Variants in MYOM2 observed in about 807,000 individuals in gnomAD.
The protein encoded by MYOM2 is myomesin 2.
In MYOM2, 254 loss-of-function variants were observed where a neutral mutation model predicts 187.6. The ratio of observed to expected loss-of-function variants is 1.35; its 90% CI spans 1.22 to 1.50. MYOM2 has a LOEUF of 1.50. Among genes scored for constraint, MYOM2 ranks in the 40% most tolerant of loss-of-function variants. The pLI, the probability that MYOM2 is intolerant of heterozygous loss-of-function variation, is 0.00. For missense variants in MYOM2, 2,796 were observed against 1,924.0 expected (o/e 1.45, Z -8.48); for synonymous variants, 981 against 753.8 (o/e 1.30, Z -4.94).
In MYOM2 at chr8:2,109,481, G is replaced by T. The variant is rs1394436257; in HGVS notation, c.3130G>T (p.Asp1044Tyr). The change falls in exon 25 of 37, where the codon GAT becomes TAT. Residue 1044 changes from aspartate to tyrosine, a missense_variant. Coordinates refer to ENST00000262113, the MANE Select transcript of MYOM2 (RefSeq NM_003970.4). ...FWLQAEHLSP[D>Y]ASYRFIINDR... ...GCTCCAGGCTGAGCACTTATCACCA[G>T]ATGCCAGCTACCGATTTATTATTAA... The T allele has an allele frequency of 1.2e-6, 2 of 1,613,356 alleles. No individual in the cohort carries two copies. Among genetic ancestry groups the T allele is most frequent in the Admixed American group, 1.7e-5 (1 of 59,882 alleles).
At chr8:2,068,733 G>T (rs1290550630) in intron 6 of MYOM2, among the ~76,000 whole-genome samples, 1 of 152,208 alleles carries the variant, frequency 6.6e-6, no homozygotes, top group Admixed American at 6.5e-5. Flanking sequence ...ACGACTCCCT[G>T]TATGGGAACG....
At chr8:2,077,608 C>T (rs999772127) in intron 11 of MYOM2, among the ~76,000 whole-genome samples, 1 of 152,134 alleles carries the variant, frequency 6.6e-6, no homozygotes, top group Non-Finnish European at 1.5e-5. Context: ...AATTAAGCAA[C>T]TACAGCAAGA....
intron 16 of MYOM2, among the ~76,000 whole-genome samples, chr8:2,092,980 G>A (rs1407257118): frequency 3.3e-5 from 5 of 152,168 alleles, no homozygotes; most frequent in African/African-American, 4.8e-5. Context: ...GCAGCCTCGG[G>A]GGATGCTGGT....
chr8:2,052,200 G>T lies in MYOM2; in HGVS notation c.150G>T (p.Gln50His). The T allele has an allele frequency of 6.2e-7, 1 of 1,613,480 alleles. No individual in the cohort carries two copies. Among genetic ancestry groups the T allele is most frequent in the Non-Finnish European group, 8.5e-7 (1 of 1,179,764 alleles). ...CATCTTCCCAGAAGTCCTTGAGTCA[G>T]CGGTCGTCTTCACAGAGAGCCTCCA... ...TQASSQKSLS[Q>H]RSSSQRASSQ... The change falls in exon 3 of 37, where the codon CAG becomes CAT. Residue 50 changes from glutamine to histidine, a missense_variant. Physicochemically the swap from Gln to His is conservative, Grantham distance 24. Transcript: ENST00000262113.
At position 2,092,450 on chromosome 8, in the gene MYOM2, T is replaced by G. The variant is rs747928604; in HGVS notation, c.1933T>G (p.Tyr645Asp). 1 of 1,614,174 alleles carries G rather than the reference T, an allele frequency of 6.2e-7. No individual in the cohort carries two copies. Among genetic ancestry groups the G allele is most frequent in the Admixed American group, 1.7e-5 (1 of 60,026 alleles). The change falls in exon 16 of 37, where the codon TAC becomes GAC. Residue 645 changes from tyrosine to aspartate, a missense_variant. Physicochemically the swap from Tyr to Asp is radical, Grantham distance 160 (BLOSUM62 -3). Coordinates refer to ENST00000262113, the MANE Select transcript of MYOM2 (RefSeq NM_003970.4). ...PKHEEDLLGY[Y>D]VDCCVAGTNL... ...GCATGAGGAGGACCTGCTGGGCTAC[T>G]ACGTGGACTGCTGTGTGGCCGGAAC...
chr8:2,129,389 A>AGG (rs1367731367), intron 32 of MYOM2, among the ~76,000 whole-genome samples, 157 bp downstream of exon 32: 2 of 152,118 alleles, frequency 1.3e-5, no homozygotes, highest in Admixed American at 6.5e-5. Flanking sequence ...AGCTCAGGGA[A>AGG]GGGGGCCCTC....
At chr8:2,134,786 ATCT>A (rs1420295922) in intron 32 of MYOM2, among the ~76,000 whole-genome samples, 1 of 152,044 alleles carries the variant, frequency 6.6e-6, no homozygotes, top group Non-Finnish European at 1.5e-5. Context: ...GTGTGCCTGC[ATCT>A]TCTTAGGAGC....
At chr8:2,071,469 G>C (rs1457178474) in intron 8 of MYOM2, among the ~76,000 whole-genome samples, 3 of 152,014 alleles carry the variant, frequency 2.0e-5, no homozygotes, top group African/African-American at 7.3e-5. Context: ...TACTTCATTT[G>C]GGTGAACTCT....
At chr8:2,100,800 C>G (rs541330595) in intron 19 of MYOM2, 76 bp from the exon 20 acceptor site, 3 of 1,470,590 alleles carry the variant, frequency 2.0e-6, no homozygotes, top group Admixed American at 1.8e-5. Context: ...AGCAGTGGGT[C>G]CCCGGGGCTG....
intron 31 of MYOM2, among the ~76,000 whole-genome samples, chr8:2,125,543 A>G (rs955153927): frequency 1.3e-5 from 2 of 150,848 alleles, no homozygotes; most frequent in African/African-American, 2.4e-5. Context: ...TCTTTTTCCT[A>G]AGGATTGTTT....
chr8:2,045,779 G>A (rs1207170142), intron 1 of MYOM2, among the ~76,000 whole-genome samples: 2 of 152,156 alleles, frequency 1.3e-5, no homozygotes, highest in East Asian at 1.9e-4. Flanking sequence ...GCTCCACTCC[G>A]CTGATAGAGG....
In MYOM2 at chr8:2,109,508, G is replaced by A. The variant is rs373969624; in HGVS notation, c.3157G>A (p.Asp1053Asn). ...PDASYRFIINDREVSDSEIHR... is the reference protein window; with the variant it reads ...PDASYRFIINNREVSDSEIHR... ...TGCCAGCTACCGATTTATTATTAAC[G>A]ACAGAGAAGTCTCTGACAGCGAGGT... Residue 1053 changes from aspartate to asparagine, a missense_variant, in exon 25 of 37, where the codon GAC (aspartate) becomes AAC (asparagine). Asp to Asn is a conservative substitution (Grantham distance 23). Coordinates refer to ENST00000262113, the MANE Select transcript of MYOM2 (RefSeq NM_003970.4). 22 of 1,612,210 alleles carry A rather than the reference G, an allele frequency of 1.4e-5. No homozygotes were observed. The African/African-American group carries it at 2.0e-4, about 15-fold the overall frequency.
chr8:2,086,305 C>CCCACTGTCGTGATCTCTGGCA (rs1796043204), intron 14 of MYOM2, among the ~76,000 whole-genome samples: 1 of 122,358 alleles, frequency 8.2e-6, no homozygotes, highest in African/African-American at 3.2e-5. Flanking sequence ...TCCGCGTGGC[C>CCCACTGTCGTGATCTCTGGCA]CCCCACAGTC....
chr8:2,131,755 T>G (rs1023809751), intron 32 of MYOM2, among the ~76,000 whole-genome samples: 23 of 151,330 alleles, frequency 1.5e-4, no homozygotes, highest in African/African-American at 5.6e-4. Context: ...GCCATTCTCC[T>G]GCCTCAGCCT....
At position 2,069,268 on chromosome 8, in the gene MYOM2, T is replaced by C. The variant is rs1563427293; in HGVS notation, c.654-10T>C. On this transcript the variant is annotated splice_polypyrimidine_tract_variant and intron_variant, in intron 6 of 36. Transcript: ENST00000262113. ...TCCCGCAGACTTTCTCTTGTTTTTTTCTCTCCAAGGGCAGACTTTGACGAC... is the reference window on the plus strand; with the variant it reads ...TCCCGCAGACTTTCTCTTGTTTTTTCCTCTCCAAGGGCAGACTTTGACGAC... The C allele has an allele frequency of 6.2e-7, 1 of 1,601,928 alleles. No individual in the cohort carries two copies. The highest frequency in any genetic ancestry group is 8.5e-7 in the Non-Finnish European group (1 of 1,172,120).
chr8:2,065,235 A>G (rs1225102479), intron 6 of MYOM2, among the ~76,000 whole-genome samples: 1 of 152,186 alleles, frequency 6.6e-6, no homozygotes, highest in Non-Finnish European at 1.5e-5. Context: ...TGAAGGCACC[A>G]GTTTGGAAGG....
chr8:2,091,581 T>G (rs1348702256), intron 15 of MYOM2, among the ~76,000 whole-genome samples: 7 of 152,266 alleles, frequency 4.6e-5, no homozygotes, highest in Middle Eastern at 3.4e-3. Flanking sequence ...CTGTCGTGTT[T>G]CCTGAGAAAG....
intron 31 of MYOM2, among the ~76,000 whole-genome samples, chr8:2,128,212 A>G (rs1301300360): frequency 2.0e-5 from 3 of 152,220 alleles, no homozygotes; most frequent in African/African-American, 7.2e-5. Flanking sequence ...CTCTTTCAGG[A>G]TTTAGGAATA....
chr8:2,141,582 G>A (rs535181110), intron 34 of MYOM2, among the ~76,000 whole-genome samples: 9 of 152,210 alleles, frequency 5.9e-5, no homozygotes, highest in Non-Finnish European at 1.2e-4. Flanking sequence ...GCTCAGGCTA[G>A]GAAGGTTTCT....
Sources: allele counts gnomAD v4.1 joint callset (sites outside exome capture counted in the v4.1 genomes callset), GRCh38; gene constraint gnomAD v4.1.1; transcripts MANE v1.5; gene names NCBI Gene and HGNC (gene_info 2026-07-23, HGNC 2026-07-21).